GPR158: variants seen among roughly 807,000 people sequenced by gnomAD.
GPR158 encodes metabotropic glycine receptor.
GPR158 carries 30 observed loss-of-function variants against 78.2 expected under a neutral mutation model. That is an observed-to-expected ratio of 0.38 (90% CI 0.29 to 0.52). The LOEUF is 0.52. Among genes scored for constraint, GPR158 ranks in the 20% least tolerant of loss-of-function variants. GPR158 has a pLI of 0.83. For missense variants in GPR158, 1,463 were observed against 1,523.5 expected (o/e 0.96, Z 0.66); for synonymous variants, 581 against 591.1 (o/e 0.98, Z 0.25).
intron 6 of GPR158, among the ~76,000 whole-genome samples, chr10:25,564,488 A>G (rs543749182): frequency 6.6e-6 from 1 of 152,314 alleles, no homozygotes; most frequent in African/African-American, 2.4e-5. Context: ...TTAAACTTTT[A>G]GATAAATGAC....
At chr10:25,299,265 C>T (rs1158863819) in intron 2 of GPR158, among the ~76,000 whole-genome samples, 1 of 152,046 alleles carries the variant, frequency 6.6e-6, no homozygotes, top group African/African-American at 2.4e-5. Flanking sequence ...CTAAAATGTA[C>T]TCACTTAGCA....
chr10:25,185,740 G>T (rs575925829), intron 1 of GPR158, among the ~76,000 whole-genome samples: 4 of 151,962 alleles, frequency 2.6e-5, no homozygotes, highest in Admixed American at 2.6e-4. Flanking sequence ...GGAGAATGGC[G>T]TGAACCCGGG....
chr10:25,248,868 T>A (rs1853745111), intron 2 of GPR158, among the ~76,000 whole-genome samples: 2 of 151,736 alleles, frequency 1.3e-5, no homozygotes, highest in Admixed American at 1.3e-4. Context: ...ATTGGTAGCA[T>A]GATGGGGATG....
chr10:25,540,412 T>C (rs1836562639), intron 5 of GPR158, among the ~76,000 whole-genome samples: 1 of 152,122 alleles, frequency 6.6e-6, no homozygotes, highest in Non-Finnish European at 1.5e-5. Context: ...AAACTAGAAA[T>C]ACCATTTGAC....
chr10:25,248,257 T>G (rs10144723), intron 2 of GPR158, among the ~76,000 whole-genome samples: 2 of 152,054 alleles, frequency 1.3e-5, no homozygotes, highest in African/African-American at 2.4e-5. Flanking sequence ...TTTCTCCCAT[T>G]TTGTAGGTTG....
intron 2 of GPR158, among the ~76,000 whole-genome samples, chr10:25,322,731 G>T (rs111842767): frequency 0.015 from 2,326 of 152,302 alleles, 67 homozygotes; most frequent in African/African-American, 0.052. Context: ...CAGAATGGAT[G>T]TTGTGTTAGC....
chr10:25,204,699 T>G (rs1336009817), intron 1 of GPR158, among the ~76,000 whole-genome samples: 1 of 152,182 alleles, frequency 6.6e-6, no homozygotes, highest in African/African-American at 2.4e-5. Flanking sequence ...TTCAGGGATA[T>G]TGGTCTAAAA....
Position 25,340,402 on chromosome 10 carries a change from T to C in GPR158, c.1009-55509T>C, listed in dbSNP as rs570693663. On this transcript the variant is annotated intron_variant, in intron 2 of 10. Transcript: ENST00000376351. ...TGGGAGGATACTCAGGAAATAAATA[T>C]TCCTGTACTCTATCAAATGTATATG... Among the ~76,000 whole-genome samples the C allele has an allele frequency of 1.3e-3, 203 of 152,204 alleles. 1 individual carries two copies. The highest frequency in any genetic ancestry group is 2.7e-3 in the Admixed American group (41 of 15,266).
At chr10:25,285,017 A>G (rs1389440608) in intron 2 of GPR158, among the ~76,000 whole-genome samples, 5 of 152,002 alleles carry the variant, frequency 3.3e-5, no homozygotes, top group African/African-American at 1.2e-4. Context: ...TATACAAATA[A>G]AAGGCAATTC....
chr10:25,334,384 T>C (rs575158446), intron 2 of GPR158, among the ~76,000 whole-genome samples: 1 of 152,164 alleles, frequency 6.6e-6, no homozygotes, highest in East Asian at 1.9e-4. Context: ...TTTCTCAAAA[T>C]CTATAATTAT....
At position 25,530,538 on chromosome 10, in the gene GPR158, TGCA is replaced by T. The variant is rs1422174979; in HGVS notation, c.1405-20433_1405-20431del. ...CCCCACCTCCCCGCAGAAGGTGTGC[TGCA>T]GCAGGAGTGCTCTGTTGCTAGTGAG... On this transcript the variant is annotated intron_variant, in intron 5 of 10. Transcript: ENST00000376351. Among the ~76,000 whole-genome samples, 5 of 152,324 alleles carry T rather than the reference TGCA, an allele frequency of 3.3e-5. No homozygotes were observed. In the East Asian group the frequency reaches 9.6e-4, roughly 29 times the overall value.
chr10:25,399,226 T>C (rs1467058993), intron 3 of GPR158, among the ~76,000 whole-genome samples: 1 of 152,056 alleles, frequency 6.6e-6, no homozygotes, highest in African/African-American at 2.4e-5. Flanking sequence ...GAGAATGGCA[T>C]AGGGGAAACT....
intron 4 of GPR158, among the ~76,000 whole-genome samples, chr10:25,454,544 T>G (rs1835266127): frequency 6.6e-6 from 1 of 152,134 alleles, no homozygotes. Flanking sequence ...AGCTATTAGT[T>G]GTCTGAAATG....
At chr10:25,517,777 T>G (rs1372646440) in intron 5 of GPR158, among the ~76,000 whole-genome samples, 1 of 151,584 alleles carries the variant, frequency 6.6e-6, no homozygotes, top group Non-Finnish European at 1.5e-5. Flanking sequence ...AGTTTGCCAG[T>G]ATTTTGTTGA....
chr10:25,241,193 T>TCTTCCTTTCTTTCCTTTCTTTC (rs1853609182), intron 2 of GPR158, among the ~76,000 whole-genome samples: 1 of 101,660 alleles, frequency 9.8e-6, no homozygotes, highest in African/African-American at 5.6e-5. Flanking sequence ...TTCTTTCCTT[T>TCTTCCTTTCTTTCCTTTCTTTC]CTTTCTTTCC....
intron 7 of GPR158, among the ~76,000 whole-genome samples, chr10:25,579,843 CA>C (rs67600016): frequency 0.22 from 33,081 of 152,102 alleles, 4,574 homozygotes; most frequent in Non-Finnish European, 0.31. Context: ...ACAATATATC[CA>C]AAAAGCCCTA....
chr10:25,335,317 G>C (rs1047738934), intron 2 of GPR158, among the ~76,000 whole-genome samples: 2 of 152,056 alleles, frequency 1.3e-5, no homozygotes, highest in Non-Finnish European at 2.9e-5. Context: ...CTCACTAATA[G>C]CTTTTTGCAT....
chr10:25,270,806 C>G (rs971447163), intron 2 of GPR158, among the ~76,000 whole-genome samples: 2 of 152,186 alleles, frequency 1.3e-5, no homozygotes, highest in African/African-American at 4.8e-5. Context: ...CTATTGAAAA[C>G]TCGGTCTTTC....
intron 2 of GPR158, among the ~76,000 whole-genome samples, chr10:25,268,070 C>T (rs918511424): frequency 2.0e-5 from 3 of 151,856 alleles, no homozygotes; most frequent in Non-Finnish European, 4.4e-5. Flanking sequence ...AAGCAGTAAC[C>T]TTAAGTGGAA....
Sources: allele counts gnomAD v4.1 joint callset (sites outside exome capture counted in the v4.1 genomes callset), GRCh38; gene constraint gnomAD v4.1.1; transcripts MANE v1.5; gene names NCBI Gene and HGNC (gene_info 2026-07-23, HGNC 2026-07-21).